Variants in VRK2 observed in about 807,000 individuals in gnomAD.
VRK2 encodes the protein serine/threonine-protein kinase VRK2.
A neutral mutation model predicts 57.6 loss-of-function variants in VRK2; 60 were observed. That is an observed-to-expected ratio of 1.04 (90% CI 0.85 to 1.29). The LOEUF is 1.29. Ranked by LOEUF, VRK2 falls within the 50% of genes most tolerant of loss-of-function variation. VRK2 has a pLI of 0.00. For synonymous variants in VRK2, 231 were observed against 199.2 expected (o/e 1.16, Z -1.35); for missense variants, 705 against 588.1 (o/e 1.20, Z -2.06).
intron 2 of VRK2, among the ~76,000 whole-genome samples, chr2:58,052,461 G>A (rs1675895176): frequency 6.6e-6 from 1 of 151,964 alleles, no homozygotes; most frequent in African/African-American, 2.4e-5. Flanking sequence ...AAAATTAGCT[G>A]GTTGTGGTAA....
intron 1 of VRK2, among the ~76,000 whole-genome samples, chr2:57,985,180 A>T (rs964192590): frequency 6.6e-6 from 1 of 152,066 alleles, no homozygotes; most frequent in African/African-American, 2.4e-5. Context: ...GAATTATATT[A>T]ATATTTGGAT....
At chr2:57,951,924 C>CTTTTTT (rs77314112) in intron 1 of VRK2, among the ~76,000 whole-genome samples, 4 of 128,756 alleles carry the variant, frequency 3.1e-5, no homozygotes, top group African/African-American at 1.2e-4. Context: ...TTTTTCCTTC[C>CTTTTTT]TTTTTTTTTT....
chr2:58,040,283 GA>G (rs1674405706), intron 3 of VRK2, among the ~76,000 whole-genome samples: 1 of 152,106 alleles, frequency 6.6e-6, no homozygotes, highest in African/African-American at 2.4e-5. Flanking sequence ...AAATAACAAG[GA>G]GTCTTCAGTG....
At chr2:58,128,222 T>C (rs981381672) in intron 8 of VRK2, among the ~76,000 whole-genome samples, 1 of 152,230 alleles carries the variant, frequency 6.6e-6, no homozygotes, top group African/African-American at 2.4e-5. Context: ...TGTGTCAGTA[T>C]GTCTTGGTGC....
intron 1 of VRK2, among the ~76,000 whole-genome samples, chr2:57,910,420 T>A (rs1669950381): frequency 6.6e-6 from 1 of 152,172 alleles, no homozygotes; most frequent in Non-Finnish European, 1.5e-5. Flanking sequence ...TGTGTGACAC[T>A]TTCATACCCC....
intron 1 of VRK2, among the ~76,000 whole-genome samples, chr2:57,955,174 T>C (rs1441066936): frequency 6.6e-6 from 1 of 152,146 alleles, no homozygotes; most frequent in Non-Finnish European, 1.5e-5. Flanking sequence ...CTTCAATTAA[T>C]ATTATTTGAA....
intron 7 of VRK2, among the ~76,000 whole-genome samples, chr2:58,111,267 T>C (rs1675527288): frequency 6.6e-6 from 1 of 152,066 alleles, no homozygotes; most frequent in Admixed American, 6.6e-5. Flanking sequence ...ATCTTCCCTA[T>C]CTACCTCACA....
rs148876113 is a variant in VRK2 at position 58,095,606 on chromosome 2, A to G, written c.543+5883A>G. ...ATATGAAGAATTTTTATTTCCATGC[A>G]TTAATTTTATATCCTGTTAATTTAC... On this transcript the variant is annotated intron_variant, in intron 7 of 12. Coordinates refer to ENST00000340157, the MANE Select transcript of VRK2 (RefSeq NM_006296.7). 6.1e-4 allele frequency among the ~76,000 whole-genome samples: 93 copies of G among 151,866 alleles called. No individual in the cohort carries two copies. The Middle Eastern group carries it at 0.01, about 17-fold the overall frequency.
chr2:57,988,552 T>A (rs567114693), intron 1 of VRK2, among the ~76,000 whole-genome samples: 12 of 152,352 alleles, frequency 7.9e-5, no homozygotes, highest in African/African-American at 2.9e-4. Context: ...CATCATCCAA[T>A]CCATCCAGCA....
At chr2:58,144,707 G>C (rs1189467818) in intron 11 of VRK2, among the ~76,000 whole-genome samples, 1 of 151,980 alleles carries the variant, frequency 6.6e-6, no homozygotes, top group Non-Finnish European at 1.5e-5. Context: ...AAGTGGCTCA[G>C]AAGATGGTGA....
chr2:58,159,772 T>C lies in VRK2; in HGVS notation c.*79T>C, dbSNP rs745544496. 1.4e-5 allele frequency: 22 copies of C among 1,613,120 alleles called. No homozygotes were observed. The highest frequency in any genetic ancestry group is 5.0e-5 in the Admixed American group (3 of 59,944). ...AAATGTTGTATTCTTATTTCAGTGT[T>C]TCCTTCCAGACATTTTTAAGGTAAT... On this transcript the variant is annotated 3_prime_UTR_variant, in exon 13 of 13. Coordinates refer to ENST00000340157, the MANE Select transcript of VRK2 (RefSeq NM_006296.7).
At chr2:58,078,484 TCTTA>T (rs1354007675) in intron 2 of VRK2, among the ~76,000 whole-genome samples, 2 of 152,244 alleles carry the variant, frequency 1.3e-5, no homozygotes, top group African/African-American at 4.8e-5. Context: ...TTCTTCAGGA[TCTTA>T]CTTTTAATTA....
At chr2:58,093,206 G>C in intron 7 of VRK2, among the ~76,000 whole-genome samples, 1 of 152,226 alleles carries the variant, frequency 6.6e-6, no homozygotes, top group South Asian at 2.1e-4. Context: ...GTCAAATGGT[G>C]TTTCTAGTTC....
At chr2:58,133,027 A>G (rs1322356101) in intron 9 of VRK2, among the ~76,000 whole-genome samples, 2 of 152,164 alleles carry the variant, frequency 1.3e-5, no homozygotes, top group Non-Finnish European at 2.9e-5. Flanking sequence ...CAGTTTTTGT[A>G]TTTAATTTTC....
intron 2 of VRK2, among the ~76,000 whole-genome samples, chr2:58,050,377 CTATGTGAGGA>C (rs965131768): frequency 3.9e-5 from 6 of 152,048 alleles, no homozygotes; most frequent in Non-Finnish European, 5.9e-5. Flanking sequence ...CAAATAAAGA[CTATGTGAGGA>C]TAAGTATTGT....
In VRK2 at chr2:58,078,935, A is replaced by G. The variant is rs574512332; in HGVS notation, c.137-5154A>G. On this transcript the variant is annotated intron_variant, in intron 2 of 12. Transcript: ENST00000340157. ...GCAGTCTGCCTGCCTCGGCCTCCCA[A>G]GTGCTTGGATTACAGGCATGAGCCA... 2.0e-5 allele frequency among the ~76,000 whole-genome samples: 3 copies of G among 152,246 alleles called. No homozygotes were observed. The East Asian group carries it at 5.8e-4, about 29-fold the overall frequency.
At chr2:58,046,410 A>T, upstream of VRK2, 1 of 833,946 alleles carries the variant, frequency 1.2e-6, no homozygotes, top group Non-Finnish European at 1.4e-6. Flanking sequence ...ACCAATAGTT[A>T]GTTGCTCGGC....
intron 7 of VRK2, among the ~76,000 whole-genome samples, chr2:58,103,559 C>T (rs1674319557): frequency 6.6e-6 from 1 of 151,598 alleles, no homozygotes; most frequent in East Asian, 1.9e-4. Flanking sequence ...AATAGAAATC[C>T]TGAAGAGACC....
intron 1 of VRK2, among the ~76,000 whole-genome samples, chr2:58,004,540 C>A (rs564646189): frequency 6.6e-6 from 1 of 152,074 alleles, no homozygotes; most frequent in Admixed American, 6.5e-5. Context: ...GAAGTTTAAA[C>A]CTGAGCTTCA....
Sources: gnomAD v4.1 joint callset for allele counts (sites outside exome capture counted in the v4.1 genomes callset) on GRCh38, gnomAD v4.1.1 for gene constraint, MANE v1.5 for transcripts, NCBI Gene and HGNC (gene_info 2026-07-23, HGNC 2026-07-21) for gene names.